Variants in NXPE2 observed in about 807,000 individuals in gnomAD.
NXPE2 encodes the protein NXPE family member 2.
A neutral mutation model predicts 34.4 loss-of-function variants in NXPE2; 34 were observed. The ratio of observed to expected loss-of-function variants is 0.99; its 90% CI spans 0.75 to 1.31. The LOEUF (loss-of-function observed/expected upper bound fraction) is 1.31. Ranked by LOEUF, NXPE2 falls within the 40% of genes most tolerant of loss-of-function variation. NXPE2 has a pLI of 0.00. For synonymous variants in NXPE2, 235 were observed against 231.3 expected (o/e 1.02, Z -0.15); for missense variants, 649 against 672.5 (o/e 0.97, Z 0.39).
chr11:114,765,371 C>T, the NXPE2 span, among the ~76,000 whole-genome samples: 767 of 152,296 alleles, frequency 5.0e-3, 31 homozygotes, highest in East Asian at 4.4e-3. Context: ...TCCAACAGCA[C>T]GTGCTCACTC....
the NXPE2 span, among the ~76,000 whole-genome samples, chr11:114,467,592 G>A: frequency 6.6e-6 from 1 of 152,252 alleles, no homozygotes; most frequent in Admixed American, 6.5e-5. Context: ...CTGTCACCAG[G>A]AGGAGTTACA....
chr11:114,779,072 GA>G, the NXPE2 span, among the ~76,000 whole-genome samples: 1 of 152,206 alleles, frequency 6.6e-6, no homozygotes, highest in African/African-American at 2.4e-5. Context: ...TGTATTGAAG[GA>G]AAAAATGTTT....
the NXPE2 span, among the ~76,000 whole-genome samples, chr11:114,753,901 A>G: frequency 6.6e-6 from 1 of 152,238 alleles, no homozygotes; most frequent in African/African-American, 2.4e-5. Context: ...TTGGAATATC[A>G]TACTTAATTG....
At chr11:114,499,086 C>T in the NXPE2 span, among the ~76,000 whole-genome samples, 1 of 152,110 alleles carries the variant, frequency 6.6e-6, no homozygotes, top group Non-Finnish European at 1.5e-5. Flanking sequence ...TCCAGATGAA[C>T]TGTTTTCTCA....
the NXPE2 span, chr11:114,551,218 G>T: frequency 3.3e-6 from 5 of 1,498,300 alleles, no homozygotes; most frequent in Non-Finnish European, 4.5e-6. Flanking sequence ...TGTCCTAGGA[G>T]AGATGACACA....
At chr11:114,474,712 C>T in the NXPE2 span, among the ~76,000 whole-genome samples, 2 of 152,054 alleles carry the variant, frequency 1.3e-5, no homozygotes, top group South Asian at 2.1e-4. Context: ...AGGTGAAAAA[C>T]GGTATGTAAT....
the NXPE2 span, among the ~76,000 whole-genome samples, chr11:114,669,519 C>T: frequency 5.3e-5 from 8 of 152,058 alleles, no homozygotes; most frequent in African/African-American, 1.9e-4. Context: ...GTCCTGGACT[C>T]TCTTTCTCTA....
the NXPE2 span, among the ~76,000 whole-genome samples, chr11:114,758,642 G>A: frequency 6.6e-6 from 1 of 152,100 alleles, no homozygotes; most frequent in Non-Finnish European, 1.5e-5. Context: ...AATCAGAGGA[G>A]AATCAGAGGA....
At chr11:114,574,010 C>G in the NXPE2 span, among the ~76,000 whole-genome samples, 2 of 151,996 alleles carry the variant, frequency 1.3e-5, no homozygotes, top group Non-Finnish European at 2.9e-5. Flanking sequence ...ATATCAAGTA[C>G]TCTCTCAGAC....
the NXPE2 span, among the ~76,000 whole-genome samples, chr11:114,487,648 G>A: frequency 2.6e-5 from 4 of 152,208 alleles, no homozygotes; most frequent in Middle Eastern, 6.8e-3. Context: ...TACTAGCTAT[G>A]GGTCTGTGGC....
chr11:114,606,845 G>T, the NXPE2 span, among the ~76,000 whole-genome samples: 1 of 151,290 alleles, frequency 6.6e-6, no homozygotes, highest in Non-Finnish European at 1.5e-5. Flanking sequence ...GTGTTGCCTC[G>T]TGGGTAATCA....
chr11:114,504,649 A>G, the NXPE2 span, among the ~76,000 whole-genome samples: 2 of 152,182 alleles, frequency 1.3e-5, no homozygotes, highest in Non-Finnish European at 2.9e-5. Context: ...TTGGCCCCCT[A>G]AAATCTCCCA....
chr11:114,734,027 T>C, the NXPE2 span, among the ~76,000 whole-genome samples: 7 of 152,218 alleles, frequency 4.6e-5, no homozygotes. Context: ...AGCAGGAATT[T>C]GTATTCAGTT....
At chr11:114,589,068 C>A in the NXPE2 span, among the ~76,000 whole-genome samples, 599 of 152,200 alleles carry the variant, frequency 3.9e-3, 3 homozygotes, top group African/African-American at 0.013. Context: ...TCTGGGATCC[C>A]TGAGGTGCAT....
the NXPE2 span, among the ~76,000 whole-genome samples, chr11:114,747,480 A>G: frequency 2.6e-5 from 4 of 151,896 alleles, no homozygotes; most frequent in African/African-American, 9.7e-5. Context: ...ATAAAGAATG[A>G]TCTGAGGGTA....
the NXPE2 span, among the ~76,000 whole-genome samples, chr11:114,632,109 T>C: frequency 9.0e-5 from 13 of 144,578 alleles, no homozygotes; most frequent in South Asian, 2.7e-3. Context: ...ATGTAATATA[T>C]AAATTATATA....
chr11:114,728,223 A>C, the NXPE2 span, among the ~76,000 whole-genome samples: 1 of 152,102 alleles, frequency 6.6e-6, no homozygotes, highest in Non-Finnish European at 1.5e-5. Flanking sequence ...TGGAGAATCA[A>C]GAATAGTTTC....
At chr11:114,673,200 A>C in the NXPE2 span, among the ~76,000 whole-genome samples, 2 of 151,292 alleles carry the variant, frequency 1.3e-5, no homozygotes, top group East Asian at 3.9e-4. Flanking sequence ...CAAATATATA[A>C]AATTAAACAA....
the NXPE2 span, among the ~76,000 whole-genome samples, chr11:114,596,333 A>G: frequency 6.6e-6 from 1 of 152,214 alleles, no homozygotes; most frequent in Non-Finnish European, 1.5e-5. Context: ...TGGAAAGAGC[A>G]GGCACCCAGA....
Sources: gnomAD v4.1 joint callset for allele counts (sites outside exome capture counted in the v4.1 genomes callset) on GRCh38, gnomAD v4.1.1 for gene constraint, MANE v1.5 for transcripts, NCBI Gene and HGNC (gene_info 2026-07-23, HGNC 2026-07-21) for gene names.